The following CCDC92 variants were observed in gnomAD, a reference collection of about 807,000 sequenced individuals.
The protein encoded by CCDC92 is coiled-coil domain containing 92.
CCDC92 carries 12 observed loss-of-function variants against 24.9 expected under a neutral mutation model. That is an observed-to-expected ratio of 0.48 (90% CI 0.31 to 0.78). The LOEUF is 0.78. Ranked by LOEUF, CCDC92 falls within the 30% of genes least tolerant of loss-of-function variation. The probability of loss-of-function intolerance (pLI) is 0.05; values close to 1 mark genes in which losing one functional copy is unlikely to be tolerated. For synonymous variants in CCDC92, 193 were observed against 196.3 expected (o/e 0.98, Z 0.14); for missense variants, 399 against 439.4 (o/e 0.91, Z 0.82).
At position 123,937,340 on chromosome 12, in the gene CCDC92, A is replaced by G. The variant is rs151106689; in HGVS notation, c.714T>C (p.Asp238=). The G allele has an allele frequency of 2.2e-5, 35 of 1,613,824 alleles. No homozygotes were observed. Among genetic ancestry groups the G allele is most frequent in the Non-Finnish European group, 2.7e-5 (32 of 1,180,034 alleles). ...SRKLLLREPV[D]AMPDPTPFLL... ...GAAATGGGGTGGGGTCGGGCATAGC[A>G]TCCACTGGTTCCCGCAAAAGGAGTT... Residue 238 remains aspartate, a synonymous_variant, in exon 5 of 5, where the codon GAT becomes GAC. Transcript: ENST00000238156. This position sits in a 1 kb window ranked among gnomAD's most constrained non-coding sequence, Gnocchi z 8.4.
intron 1 of CCDC92, among the ~76,000 whole-genome samples, chr12:123,953,960 TAAAC>T (rs937993539): frequency 1.3e-4 from 20 of 152,168 alleles, no homozygotes; most frequent in South Asian, 1.0e-3. Context: ...CCATCTCAAA[TAAAC>T]AAACAAACAA....
chr12:123,943,897 T>A, intron 2 of CCDC92: 1 of 440,028 alleles, frequency 2.3e-6, no homozygotes, highest in Non-Finnish European at 4.1e-6. Flanking sequence ...TGGTTCCAAA[T>A]CCTGTCCTCT....
intron 1 of CCDC92, among the ~76,000 whole-genome samples, chr12:123,951,104 C>T (rs527671345): frequency 5.9e-5 from 9 of 152,290 alleles, no homozygotes; most frequent in East Asian, 3.9e-4. Context: ...CCCCTGCCCC[C>T]GCCTCATTAA....
intron 1 of CCDC92, among the ~76,000 whole-genome samples, chr12:123,950,712 A>T (rs1176713445): frequency 6.6e-6 from 1 of 152,196 alleles, no homozygotes; most frequent in African/African-American, 2.4e-5. Context: ...ATTCCTGGGA[A>T]AAAGCAGCAC....
intron 2 of CCDC92, chr12:123,943,957 A>G (rs1955769493): frequency 6.2e-6 from 3 of 483,890 alleles, no homozygotes; most frequent in Non-Finnish European, 7.2e-6. Flanking sequence ...ATCACGCCCA[A>G]AAGATTTCCC....
chr12:123,969,227 C>A (rs955120750), intron 1 of CCDC92, among the ~76,000 whole-genome samples: 1 of 152,156 alleles, frequency 6.6e-6, no homozygotes, highest in Non-Finnish European at 1.5e-5. Flanking sequence ...AGCTCCAATT[C>A]CCCTAAGCTT....
chr12:123,942,600 A>G, intron 4 of CCDC92, 144 bp downstream of exon 4: 1 of 708,692 alleles, frequency 1.4e-6, no homozygotes, highest in Non-Finnish European at 2.6e-6. Flanking sequence ...CATCCTTCTC[A>G]TCTTCTCTTA....
intron 4 of CCDC92, among the ~76,000 whole-genome samples, chr12:123,938,282 G>GCA (rs1955583515): frequency 6.6e-6 from 1 of 152,164 alleles, no homozygotes; most frequent in Non-Finnish European, 1.5e-5. Context: ...GAGGAGAAGA[G>GCA]GTGTGGGGCT....
Position 123,937,577 on chromosome 12 carries a change from G to A in CCDC92, c.477C>T (p.Thr159=). The A allele has an allele frequency of 6.2e-7, 1 of 1,613,296 alleles. No individual in the cohort carries two copies. Among genetic ancestry groups the A allele is most frequent in the Non-Finnish European group, 8.5e-7 (1 of 1,180,032 alleles). The stretch of plus-strand genomic sequence containing the variant: ...TCTTCTTGGCGGCGTGCAGCTGGGA[G>A]GTCAGGTAGGCGATGGTGCTGGCCC... ...EQRASTIAYL[T]SQLHAAKKKL... The change falls in exon 5 of 5, where the codon ACC becomes ACT. Residue 159 remains threonine (T), a synonymous_variant. Coordinates refer to ENST00000238156, the MANE Select transcript of CCDC92 (RefSeq NM_025140.3). The surrounding 1 kb of genome is among the most constrained non-coding windows in gnomAD (Gnocchi z 8.4).
chr12:123,939,329 A>G (rs1210722038), intron 4 of CCDC92, among the ~76,000 whole-genome samples: 1 of 152,186 alleles, frequency 6.6e-6, no homozygotes, highest in African/African-American at 2.4e-5. Context: ...TCCCGCCGCC[A>G]GACTCTGAGC....
chr12:123,937,708 T>C lies in CCDC92; in HGVS notation c.346A>G (p.Ile116Val). ...LKELEQKNAMITVLENTIKER... is the reference protein window; with the variant it reads ...LKELEQKNAMVTVLENTIKER... Reference sequence around the variant, plus strand: ...TTGATGGTGTTCTCCAGCACTGTGATCATCGCGTTTTTCTGCTCCAGTTCT... The same window carrying C: ...TTGATGGTGTTCTCCAGCACTGTGACCATCGCGTTTTTCTGCTCCAGTTCT... Residue 116 changes from isoleucine to valine, a missense_variant, in exon 5 of 5, where the codon ATC becomes GTC. Coordinates refer to ENST00000238156, the MANE Select transcript of CCDC92 (RefSeq NM_025140.3). This position sits in a 1 kb window ranked among gnomAD's most constrained non-coding sequence, Gnocchi z 8.4. 1 of 1,614,186 alleles carries C rather than the reference T, an allele frequency of 6.2e-7. No homozygotes were observed.
chr12:123,953,286 A>G (rs1480628864), intron 1 of CCDC92, among the ~76,000 whole-genome samples: 4 of 151,926 alleles, frequency 2.6e-5, no homozygotes, highest in Non-Finnish European at 5.9e-5. Context: ...GATAATCACC[A>G]CACAAAATAA....
chr12:123,953,153 T>G (rs1242155304), intron 1 of CCDC92, among the ~76,000 whole-genome samples: 1 of 152,064 alleles, frequency 6.6e-6, no homozygotes, highest in African/African-American at 2.4e-5. Context: ...GGGGATGTTT[T>G]GTGGGTTCCC....
At position 123,944,276 on chromosome 12, in the gene CCDC92, A is replaced by G. The variant is rs776543125; in HGVS notation, c.30T>C (p.Asp10=). 3.8e-6 allele frequency: 6 copies of G among 1,592,414 alleles called. No homozygotes were observed. Among genetic ancestry groups the G allele is most frequent in the Admixed American group, 3.5e-5 (2 of 56,360 alleles). ...ACTCAGGGCCCCAGACTCTACCTTC[A>G]TCGTAACTCGAGAAATGTGGTGAAG... MTSPHFSSY[D]EGPLDVSMAA... The change falls in exon 2 of 5, where the codon GAT becomes GAC. Residue 10 remains aspartate (D), a synonymous_variant. Coordinates refer to ENST00000238156, the MANE Select transcript of CCDC92 (RefSeq NM_025140.3).
chr12:123,943,631 G>A (rs1054925907), intron 2 of CCDC92, 138 bp from the exon 3 acceptor site: 9 of 899,232 alleles, frequency 1.0e-5, no homozygotes, highest in African/African-American at 3.3e-5. Flanking sequence ...AGGGCAGGGT[G>A]TGGGGGCACC....
rs1306070868 is a variant in CCDC92, at chr12:123,935,662, ATAC to A, written c.*1393_*1395del. 1.2e-5 allele frequency: 7 copies of A among 569,716 alleles called. No individual in the cohort carries two copies. Among genetic ancestry groups the A allele is most frequent in the South Asian group, 9.7e-5 (2 of 20,606 alleles). The allele number at this position is 569,716 out of a possible 1,614,324, so 35.3% of individuals were successfully genotyped here. A position where few individuals can be genotyped will look rare whatever the true frequency, so the allele number is the denominator to read the frequency against. ...ATTAACCTGAATGGTTTTGTTTTTAATACTACTTTTTAAAAGGAATTTATATAA... is the reference window on the plus strand; with the variant it reads ...ATTAACCTGAATGGTTTTGTTTTTAATACTTTTTAAAAGGAATTTATATAA... On this transcript the variant is annotated 3_prime_UTR_variant, in exon 5 of 5. Transcript: ENST00000238156.
chr12:123,944,246 T>C, intron 2 of CCDC92, 26 bp downstream of exon 2: 1 of 1,454,476 alleles, frequency 6.9e-7, no homozygotes, highest in Non-Finnish European at 9.7e-7. Context: ...CAGCATCTGA[T>C]GCTCACTCAG....
chr12:123,941,685 G>A (rs558440287), intron 4 of CCDC92, among the ~76,000 whole-genome samples: 1 of 152,356 alleles, frequency 6.6e-6, no homozygotes, highest in East Asian at 1.9e-4. Flanking sequence ...CGGCACGCCT[G>A]CGCAGGGCTG....
In CCDC92 at chr12:123,944,261, C is replaced by G. The variant is rs1566152422; in HGVS notation, c.34+11G>C. The G allele has an allele frequency of 1.3e-6, 2 of 1,568,986 alleles. No individual in the cohort carries two copies. The highest frequency in any genetic ancestry group is 8.7e-7 in the Non-Finnish European group (1 of 1,143,622). On this transcript the variant is annotated intron_variant, in intron 2 of 4. Coordinates refer to ENST00000238156, the MANE Select transcript of CCDC92 (RefSeq NM_025140.3). ...CAGCATCTGATGCTCACTCAGGGCC[C>G]CAGACTCTACCTTCATCGTAACTCG... is the stretch of plus-strand genomic sequence containing the variant.
Sources: gnomAD v4.1 joint callset for allele counts (sites outside exome capture counted in the v4.1 genomes callset) on GRCh38, gnomAD v4.1.1 for gene constraint, Gnocchi (gnomAD v3.1) non-coding constraint, MANE v1.5 for transcripts, NCBI Gene and HGNC (gene_info 2026-07-23, HGNC 2026-07-21) for gene names.